MANBA: variants seen among roughly 807,000 people sequenced by gnomAD.
MANBA encodes mannosidase beta.
Under a neutral mutation model 111.1 loss-of-function variants are expected in MANBA, and 83 were observed. That is an observed-to-expected ratio of 0.75 (90% CI 0.63 to 0.90). The LOEUF (loss-of-function observed/expected upper bound fraction) is 0.90, where lower values mean the gene tolerates loss of function less well. Among genes scored for constraint, MANBA ranks in the 40% least tolerant of loss-of-function variants. The pLI is 0.00. For missense variants in MANBA, 1,036 were observed against 1,069.0 expected, an observed-to-expected ratio of 0.97 and a Z score of 0.43; for synonymous variants, 370 against 378.7, an observed-to-expected ratio of 0.98 and a Z score of 0.27.
intron 5 of MANBA, among the ~76,000 whole-genome samples, chr4:102,707,096 C>T (rs1452405967): frequency 6.6e-6 from 1 of 152,080 alleles, no homozygotes; most frequent in Non-Finnish European, 1.5e-5. Flanking sequence ...CAAACAGATC[C>T]ATTCAATAAG....
intron 4 of MANBA, among the ~76,000 whole-genome samples, chr4:102,719,479 T>C (rs1201215485): frequency 6.6e-6 from 1 of 152,210 alleles, no homozygotes; most frequent in Non-Finnish European, 1.5e-5. Context: ...TACAATCAAT[T>C]TGTACAATAG....
At chr4:102,728,588 G>T in intron 1 of MANBA, 1 of 442,548 alleles carries the variant, frequency 2.3e-6, no homozygotes, top group Non-Finnish European at 4.1e-6. Flanking sequence ...TTTTGTAGCT[G>T]AAGGCATAGG....
intron 11 of MANBA, among the ~76,000 whole-genome samples, chr4:102,661,745 G>T (rs1157184559): frequency 6.6e-6 from 1 of 152,154 alleles, no homozygotes; most frequent in Non-Finnish European, 1.5e-5. Flanking sequence ...TATTCTTGAG[G>T]TGTGGTTATT....
At chr4:102,723,175 A>T in intron 3 of MANBA, 134 bp from the exon 4 acceptor site, 3 of 788,270 alleles carry the variant, frequency 3.8e-6, no homozygotes, top group Non-Finnish European at 6.5e-6. Flanking sequence ...TGCAGGAGGG[A>T]ACACTTCTCT....
At chr4:102,730,115 G>T in intron 1 of MANBA, 1 of 1,174,096 alleles carries the variant, frequency 8.5e-7, no homozygotes, top group Non-Finnish European at 1.2e-6. Flanking sequence ...GGCTGCTGAA[G>T]GCCCGGGGCC....
chr4:102,753,463 C>A (rs1003455210), intron 1 of MANBA, among the ~76,000 whole-genome samples: 3 of 151,916 alleles, frequency 2.0e-5, no homozygotes, highest in South Asian at 4.2e-4. Context: ...TCAGTATATG[C>A]GAATTTAGTG....
chr4:102,703,840 A>T, intron 5 of MANBA, among the ~76,000 whole-genome samples: 1 of 152,208 alleles, frequency 6.6e-6, no homozygotes, highest in East Asian at 1.9e-4. Context: ...TCACGCCTGT[A>T]ATCCCAGCAC....
intron 1 of MANBA, chr4:102,751,616 GGA>G (rs2110211576): frequency 1.8e-6 from 1 of 540,594 alleles, no homozygotes; most frequent in Non-Finnish European, 3.8e-6. Flanking sequence ...ACATGGAACT[GGA>G]GAACATGTCA....
intron 5 of MANBA, among the ~76,000 whole-genome samples, chr4:102,704,408 A>T (rs1229687648): frequency 6.6e-6 from 1 of 152,150 alleles, no homozygotes; most frequent in Non-Finnish European, 1.5e-5. Context: ...GCCTCAAGTG[A>T]TCCTTTGAAC....
Position 102,650,578 on chromosome 4 carries a change from C to G in MANBA, c.1828G>C (p.Asp610His). 6.2e-7 allele frequency: 1 copy of G among 1,613,532 alleles called. No homozygotes were observed. Among genetic ancestry groups the G allele is most frequent in the Non-Finnish European group, 8.5e-7 (1 of 1,179,502 alleles). Residue 610 changes from aspartate (D) to histidine (H), a missense_variant, in exon 13 of 17, where the codon GAT (aspartate) becomes CAT (histidine). By Grantham distance (81) the Asp-to-His change is moderately conservative (BLOSUM62 -1). Coordinates refer to ENST00000647097, the MANE Select transcript of MANBA (RefSeq NM_005908.4). ...GLHFKLPQST[D>H]PLRTFKDTIY... ...GTATCTTTAAATGTGCGTAATGGATCTGTGCTTTGGGGGAGTTTGAAATGA... is the reference window on the plus strand; with the variant it reads ...GTATCTTTAAATGTGCGTAATGGATGTGTGCTTTGGGGGAGTTTGAAATGA...
intron 11 of MANBA, among the ~76,000 whole-genome samples, chr4:102,660,370 A>G: frequency 6.6e-6 from 1 of 152,194 alleles, no homozygotes. Context: ...AAATAAATAT[A>G]TCACCTACAC....
At chr4:102,724,543 A>T (rs1200581472) in intron 2 of MANBA, among the ~76,000 whole-genome samples, 1 of 25,178 alleles carries the variant, frequency 4.0e-5, no homozygotes, top group African/African-American at 4.8e-4. Context: ...ATTCCGTCTC[A>T]AAAAAAAAAA....
chr4:102,691,960 T>A (rs1056817276), intron 5 of MANBA, among the ~76,000 whole-genome samples: 1 of 152,080 alleles, frequency 6.6e-6, no homozygotes, highest in Non-Finnish European at 1.5e-5. Context: ...AACAAGGAAC[T>A]TGGGCAATAA....
intron 10 of MANBA, chr4:102,666,194 C>A (rs988725111): frequency 6.6e-6 from 1 of 152,326 alleles, no homozygotes; most frequent in Admixed American, 6.5e-5. Context: ...AAAATTTTAA[C>A]AAACTTTGCA....
chr4:102,709,331 AAAGGAAGG>A (rs70937564), intron 5 of MANBA, among the ~76,000 whole-genome samples: 8 of 133,262 alleles, frequency 6.0e-5, no homozygotes, highest in African/African-American at 2.4e-4. Context: ...AAAGAAAAAG[AAAGGAAGG>A]AAGGAAGGAA....
At chr4:102,746,649 G>A (rs1286975127) in intron 1 of MANBA, among the ~76,000 whole-genome samples, 1 of 152,162 alleles carries the variant, frequency 6.6e-6, no homozygotes, top group Admixed American at 6.6e-5. Flanking sequence ...TTCATGCCAA[G>A]GACTATGGGT....
chr4:102,667,653 T>C (rs1731287150), intron 10 of MANBA: 1 of 152,166 alleles, frequency 6.6e-6, no homozygotes, highest in Non-Finnish European at 1.5e-5. Flanking sequence ...GATACAGAAA[T>C]TGAGGCTCAA....
chr4:102,741,418 C>A (rs77504981), intron 1 of MANBA, among the ~76,000 whole-genome samples: 28 of 152,288 alleles, frequency 1.8e-4, no homozygotes, highest in Admixed American at 2.6e-4. Flanking sequence ...TACCATTGAT[C>A]CAGCAATCCC....
At chr4:102,642,330 G>T (rs1729911579) in intron 13 of MANBA, among the ~76,000 whole-genome samples, 1 of 152,196 alleles carries the variant, frequency 6.6e-6, no homozygotes, top group African/African-American at 2.4e-5. Context: ...CTATTTGGCT[G>T]GGCGCGATAG....
Sources: gnomAD v4.1 joint callset for allele counts (sites outside exome capture counted in the v4.1 genomes callset) on GRCh38, gnomAD v4.1.1 for gene constraint, MANE v1.5 for transcripts, NCBI Gene and HGNC (gene_info 2026-07-23, HGNC 2026-07-21) for gene names.